MYO7A: variants seen among roughly 807,000 people sequenced by gnomAD.
The protein encoded by MYO7A is myosin VIIA, also known as unconventional myosin-VIIa.
In MYO7A, 210 loss-of-function variants were observed where a neutral mutation model predicts 263.8. The ratio of observed to expected loss-of-function variants is 0.80; its 90% CI spans 0.71 to 0.89. The LOEUF is 0.89. MYO7A is among the 40% of genes least tolerant of loss of function. MYO7A has a pLI of 0.00. For synonymous variants in MYO7A, 1,239 were observed against 1,197.3 expected (o/e 1.03, Z -0.72); for missense variants, 2,820 against 2,968.3 (o/e 0.95, Z 1.16).
rs121965085 is a variant in MYO7A at position 77,174,816 on chromosome 11, C to T, written c.1996C>T (p.Arg666Ter). 1.2e-5 allele frequency: 20 copies of T among 1,612,732 alleles called. No individual in the cohort carries two copies. The highest frequency in any genetic ancestry group is 5.3e-5 in the African/African-American group (4 of 74,922). ...GTACTCAGGAATGATGGAGACCATC[C>T]GAATCCGCCGAGCTGGCTACCCCAT... ...LRYSGMMETI[R>*]IRRAGYPIRY... Residue 666 changes from arginine to a stop codon, truncating the protein, a stop_gained, in exon 17 of 49, where the codon CGA becomes TGA. Coordinates refer to ENST00000409709, the MANE Select transcript of MYO7A (RefSeq NM_000260.4). LOFTEE classifies it high-confidence loss of function.
chr11:77,176,221 G>A (rs551728278), intron 18 of MYO7A, among the ~76,000 whole-genome samples: 8 of 152,318 alleles, frequency 5.3e-5, no homozygotes, highest in Middle Eastern at 3.4e-3. Flanking sequence ...GGGAGCCTGC[G>A]GCCTCTTCTA....
At chr11:77,158,504 A>T in intron 9 of MYO7A, 74 bp downstream of exon 9, 1 of 1,509,216 alleles carries the variant, frequency 6.6e-7, no homozygotes, top group East Asian at 2.4e-5. Flanking sequence ...CCCACGTGGT[A>T]TTGGCAGCTC....
At position 77,213,080 on chromosome 11, in the gene MYO7A, G is replaced by A. The variant is rs779844188; in HGVS notation, c.6438+45G>A. 3.4e-6 allele frequency: 5 copies of A among 1,479,740 alleles called. No individual in the cohort carries two copies. In the Admixed American group the frequency reaches 5.9e-5, roughly 17 times the overall value. 91.7% of individuals were successfully genotyped at this position (1,479,740 alleles called of 1,614,324 possible). Reference sequence around the variant, plus strand: ...CAAGTGGGGGCGGGCTTCTCTGCCTGAACCACAGACACGGTCCCAGAACGA... The same window carrying A: ...CAAGTGGGGGCGGGCTTCTCTGCCTAAACCACAGACACGGTCCCAGAACGA... On this transcript the variant is annotated intron_variant, in intron 47 of 48. Transcript: ENST00000409709.
Position 77,130,624 on chromosome 11 carries a change from G to C in MYO7A, c.-11G>C. 6.2e-7 allele frequency: 1 copy of C among 1,613,256 alleles called. No individual in the cohort carries two copies. Among genetic ancestry groups the C allele is most frequent in the African/African-American group, 1.3e-5 (1 of 75,064 alleles). On this transcript the variant is annotated 5_prime_UTR_variant, in exon 2 of 49. Transcript: ENST00000409709. ...GGCCCAGTGGGCAGCAGGAGCTCCT[G>C]ACTTGGGACCATGGTGATTCTTCAG... is the stretch of plus-strand genomic sequence containing the variant.
At chr11:77,145,539 C>T (rs1951501177) in intron 3 of MYO7A, among the ~76,000 whole-genome samples, 1 of 152,322 alleles carries the variant, frequency 6.6e-6, no homozygotes, top group South Asian at 2.1e-4. Flanking sequence ...GCCCTCTCCC[C>T]TCCTGTCCAC....
At chr11:77,182,371 C>G in intron 24 of MYO7A, 53 bp from the exon 25 acceptor site, 1 of 1,536,760 alleles carries the variant, frequency 6.5e-7, no homozygotes. Flanking sequence ...GTCATTTTGA[C>G]AGCTTTAGCA....
chr11:77,175,328 T>C (rs570836579), intron 17 of MYO7A, 44 bp from the exon 18 acceptor site: 1 of 1,585,966 alleles, frequency 6.3e-7, no homozygotes, highest in African/African-American at 1.3e-5. Flanking sequence ...GCCTTCCCAC[T>C]GGAGAGGCTG....
At chr11:77,162,068 C>T in intron 12 of MYO7A, 52 bp from the exon 13 acceptor site, 5 of 1,511,542 alleles carry the variant, frequency 3.3e-6, no homozygotes, top group Non-Finnish European at 4.5e-6. Context: ...AGGCCCTGAA[C>T]AGCATGGTGG....
chr11:77,172,193 A>T (rs184883889), intron 15 of MYO7A, among the ~76,000 whole-genome samples: 38 of 152,150 alleles, frequency 2.5e-4, no homozygotes, highest in African/African-American at 9.2e-4. Flanking sequence ...CTGACCTCTG[A>T]CCCTTGTCAC....
chr11:77,177,016 GA>G (rs542736206), intron 18 of MYO7A, among the ~76,000 whole-genome samples: 3 of 152,184 alleles, frequency 2.0e-5, no homozygotes, highest in Non-Finnish European at 4.4e-5. Flanking sequence ...CCAGGGTGAG[GA>G]ACCCAGGCTC....
intron 32 of MYO7A, among the ~76,000 whole-genome samples, chr11:77,196,040 C>A (rs527775045): frequency 6.6e-6 from 1 of 152,316 alleles, no homozygotes; most frequent in Admixed American, 6.5e-5. Context: ...GGATTACAGC[C>A]CACCCAAGAT....
rs1025915101 is a variant in MYO7A, at chr11:77,208,459, CTTT to C, written c.5887_5889del (p.Phe1963del). The C allele has an allele frequency of 2.5e-6, 4 of 1,613,758 alleles. No individual in the cohort carries two copies. The highest frequency in any genetic ancestry group is 3.4e-6 in the Non-Finnish European group (4 of 1,179,748). ...TCAGCGTTCCTGAGAATGACTTCTT[CTTT>C]GACTTTGTTCGACACTTGACAGACT... On this transcript the variant is annotated inframe_deletion, in exon 43 of 49. Coordinates refer to ENST00000409709, the MANE Select transcript of MYO7A (RefSeq NM_000260.4).
intron 22 of MYO7A, 32 bp downstream of exon 22, chr11:77,180,513 T>C: frequency 6.3e-7 from 1 of 1,583,986 alleles, no homozygotes. Context: ...ACCTTAGGTG[T>C]CCACTTGCTG....
chr11:77,145,764 C>T (rs1259448179), intron 3 of MYO7A, among the ~76,000 whole-genome samples: 2 of 152,118 alleles, frequency 1.3e-5, no homozygotes, highest in Admixed American at 1.3e-4. Flanking sequence ...CCAGAAGTGC[C>T]GTGGAGTATC....
Position 77,198,425 on chromosome 11 carries a change from G to A in MYO7A, c.4442-70G>A, listed in dbSNP as rs12276114. On this transcript the variant is annotated intron_variant, in intron 33 of 48. Transcript: ENST00000409709. The stretch of plus-strand genomic sequence containing the variant: ...TCAGTGTATTGCCACCTGCCTGGCC[G>A]TTATGAGATTGAGAAGGGCTGGGCC... 5,623 of 1,581,260 alleles carry A rather than the reference G, an allele frequency of 3.6e-3. 129 individuals are homozygous for A. The African/African-American group carries it at 0.057, about 16-fold the overall frequency.
At chr11:77,132,886 T>G (rs1365096671) in intron 2 of MYO7A, among the ~76,000 whole-genome samples, 1 of 152,226 alleles carries the variant, frequency 6.6e-6, no homozygotes, top group African/African-American at 2.4e-5. Flanking sequence ...AAGCACAAGA[T>G]GGAGCCCACT....
intron 3 of MYO7A, among the ~76,000 whole-genome samples, chr11:77,145,682 C>G (rs1555053260): frequency 6.6e-6 from 1 of 152,168 alleles, no homozygotes. Context: ...CAGGCAGGTT[C>G]CCTAACAGTA....
In MYO7A at chr11:77,182,231, C is replaced by T. The variant is rs1040175421; in HGVS notation, c.3108+77C>T. ...TATGGACTCTGCTGCTGGTGGTGGCCGTAGGTGATGAGGGTGGTGGGTCCC... is the reference window on the plus strand; with the variant it reads ...TATGGACTCTGCTGCTGGTGGTGGCTGTAGGTGATGAGGGTGGTGGGTCCC... On this transcript the variant is annotated intron_variant, in intron 24 of 48. Coordinates refer to ENST00000409709, the MANE Select transcript of MYO7A (RefSeq NM_000260.4). The T allele has an allele frequency of 8.3e-6, 13 of 1,562,184 alleles. No individual in the cohort carries two copies. The East Asian group carries it at 1.4e-4, about 16-fold the overall frequency.
At chr11:77,156,820 G>A in intron 6 of MYO7A, 39 bp downstream of exon 6, 1 of 1,613,964 alleles carries the variant, frequency 6.2e-7, no homozygotes, top group Non-Finnish European at 8.5e-7. Context: ...AGGCAGTGGG[G>A]CGGGAGCGGG....
Sources: gnomAD v4.1 joint callset for allele counts (sites outside exome capture counted in the v4.1 genomes callset) on GRCh38, gnomAD v4.1.1 for gene constraint, MANE v1.5 for transcripts, NCBI Gene and HGNC (gene_info 2026-07-23, HGNC 2026-07-21) for gene names.